The following LRP1B variants were observed in gnomAD, a reference collection of about 807,000 sequenced individuals.
LRP1B encodes the protein low-density lipoprotein receptor-related protein 1B.
In LRP1B, 217 loss-of-function variants were observed where a neutral mutation model predicts 556.6. The ratio of observed to expected loss-of-function variants is 0.39; its 90% CI spans 0.35 to 0.44. The LOEUF (loss-of-function observed/expected upper bound fraction) is 0.44. LRP1B is among the 20% of genes least tolerant of loss of function. The pLI, the probability that LRP1B is intolerant of heterozygous loss-of-function variation, is 1.00. For synonymous variants in LRP1B, 2,047 were observed against 1,865.8 expected, an observed-to-expected ratio of 1.10 and a Z score of -2.50; for missense variants, 5,053 against 5,620.8, an observed-to-expected ratio of 0.90 and a Z score of 3.23.
Position 141,774,598 on chromosome 2 carries a change from G to T in LRP1B, c.205+35681C>A, listed in dbSNP as rs187066666. On this transcript the variant is annotated intron_variant, in intron 2 of 90. Coordinates refer to ENST00000389484, the MANE Select transcript of LRP1B (RefSeq NM_018557.3). ...ATGCAAACAATACATAATAAATATA[G>T]TATAGTCATATATATTAAACCACAC... Among the ~76,000 whole-genome samples the T allele has an allele frequency of 3.1e-4, 47 of 152,240 alleles. 1 individual carries two copies. In the East Asian group the frequency reaches 5.6e-3, roughly 18 times the overall value.
intron 43 of LRP1B, among the ~76,000 whole-genome samples, chr2:140,566,902 G>C (rs539608668): frequency 6.6e-6 from 1 of 152,088 alleles, no homozygotes; most frequent in Non-Finnish European, 1.5e-5. Context: ...TAAGCTGAAG[G>C]GATGCACTAC....
chr2:140,738,359 C>A (rs1044213162), intron 35 of LRP1B, among the ~76,000 whole-genome samples: 1 of 152,066 alleles, frequency 6.6e-6, no homozygotes, highest in Non-Finnish European at 1.5e-5. Context: ...CCTACAGGAA[C>A]TATGGAGGAG....
intron 43 of LRP1B, among the ~76,000 whole-genome samples, chr2:140,557,117 G>A (rs776711002): frequency 9.9e-5 from 15 of 151,930 alleles, no homozygotes; most frequent in Non-Finnish European, 2.1e-4. Context: ...ATTACAGTAC[G>A]ATTTACATAC....
chr2:141,421,618 T>A (rs1680147889), intron 3 of LRP1B, among the ~76,000 whole-genome samples: 1 of 152,172 alleles, frequency 6.6e-6, no homozygotes, highest in Non-Finnish European at 1.5e-5. Flanking sequence ...ACATTTAACC[T>A]ACTCAAAAAG....
chr2:141,766,788 A>G lies in LRP1B; in HGVS notation c.205+43491T>C, dbSNP rs79662075. 5.8e-3 allele frequency among the ~76,000 whole-genome samples: 882 copies of G among 152,232 alleles called. 9 individuals carry two copies. The highest frequency in any genetic ancestry group is 0.021 in the African/African-American group (856 of 41,542). On this transcript the variant is annotated intron_variant, in intron 2 of 90. Coordinates refer to ENST00000389484, the MANE Select transcript of LRP1B (RefSeq NM_018557.3). ...TCTTTTCTCCAATAGTAGGAAAGTC[A>G]TTATCCGTCTCTTCTACAATTTCTT...
At chr2:141,121,478 A>T (rs1238696926) in intron 7 of LRP1B, among the ~76,000 whole-genome samples, 1 of 152,110 alleles carries the variant, frequency 6.6e-6, no homozygotes, top group Non-Finnish European at 1.5e-5. Flanking sequence ...GAGCCAAATC[A>T]TGAGTGAACT....
intron 3 of LRP1B, among the ~76,000 whole-genome samples, chr2:141,274,666 T>C (rs1685217640): frequency 6.6e-6 from 1 of 152,164 alleles, no homozygotes; most frequent in Admixed American, 6.5e-5. Flanking sequence ...TAAAAATCTT[T>C]AGATTTTCAT....
intron 1 of LRP1B, among the ~76,000 whole-genome samples, chr2:141,879,071 A>G (rs149258891): frequency 8.5e-5 from 13 of 152,110 alleles, no homozygotes; most frequent in African/African-American, 3.1e-4. Flanking sequence ...AGACACATTC[A>G]GTTCTTTCAA....
At chr2:141,363,165 TTGTC>T (rs1439809238) in intron 3 of LRP1B, among the ~76,000 whole-genome samples, 2 of 152,198 alleles carry the variant, frequency 1.3e-5, no homozygotes, top group Admixed American at 6.5e-5. Context: ...ACATACTTCT[TTGTC>T]TGTTTTTGTC....
At chr2:141,955,464 G>A (rs1013124811) in intron 1 of LRP1B, among the ~76,000 whole-genome samples, 1 of 152,178 alleles carries the variant, frequency 6.6e-6, no homozygotes, top group East Asian at 1.9e-4. Context: ...TATTAACAGT[G>A]CTAATGTGGA....
At chr2:141,762,844 C>T (rs1694605992) in intron 2 of LRP1B, among the ~76,000 whole-genome samples, 1 of 152,190 alleles carries the variant, frequency 6.6e-6, no homozygotes, top group African/African-American at 2.4e-5. Context: ...TTATTTGTAA[C>T]TGAGATAGGC....
At chr2:140,719,453 A>T (rs748515972) in intron 35 of LRP1B, among the ~76,000 whole-genome samples, 17 of 152,192 alleles carry the variant, frequency 1.1e-4, no homozygotes, top group Admixed American at 2.0e-4. Flanking sequence ...TTACTTTCTA[A>T]TACCTTTGTC....
At chr2:141,380,476 A>G (rs1469862939) in intron 3 of LRP1B, among the ~76,000 whole-genome samples, 1 of 152,104 alleles carries the variant, frequency 6.6e-6, no homozygotes, top group Non-Finnish European at 1.5e-5. Context: ...AACTTCTCCT[A>G]AGATGTTGGA....
intron 7 of LRP1B, among the ~76,000 whole-genome samples, chr2:141,155,452 T>C (rs1702042265): frequency 6.7e-6 from 1 of 148,578 alleles, no homozygotes; most frequent in Admixed American, 6.9e-5. Context: ...ACTTCTAATT[T>C]CCATTTTTAT....
chr2:140,981,767 T>C lies in LRP1B; in HGVS notation c.2887+393A>G, dbSNP rs547839059. On this transcript the variant is annotated intron_variant, in intron 18 of 90. Transcript: ENST00000389484. The stretch of plus-strand genomic sequence containing the variant: ...TTCTTCCCAGAAGATAACATATACA[T>C]GCCAATAAGAAACATGTCCTCCTCC... 2.0e-5 allele frequency among the ~76,000 whole-genome samples: 3 copies of C among 152,254 alleles called. No homozygotes were observed. The South Asian group carries it at 6.2e-4, about 32-fold the overall frequency.
At position 141,923,436 on chromosome 2, in the gene LRP1B, T is replaced by TTATA. The variant is rs758700606; in HGVS notation, c.83-113039_83-113036dup. On this transcript the variant is annotated intron_variant, in intron 1 of 90. Coordinates refer to ENST00000389484, the MANE Select transcript of LRP1B (RefSeq NM_018557.3). ...ATATATATATATAGTGACAAAGAGA[T>TTATA]TATATATATATGTGTGTGTGTGTGT... Among the ~76,000 whole-genome samples the TTATA allele has an allele frequency of 3.8e-3, 290 of 75,400 alleles. 10 individuals are homozygous for TTATA. The highest frequency in any genetic ancestry group is 0.013 in the African/African-American group (271 of 21,064). 49.5% of individuals were successfully genotyped at this position (75,400 alleles called of 152,430 possible).
At chr2:141,676,971 G>A (rs570844200) in intron 2 of LRP1B, among the ~76,000 whole-genome samples, 1 of 151,928 alleles carries the variant, frequency 6.6e-6, no homozygotes, top group Non-Finnish European at 1.5e-5. Context: ...TATAGTCTGT[G>A]GATGATGCAG....
At chr2:140,926,432 C>G (rs996281270) in intron 20 of LRP1B, among the ~76,000 whole-genome samples, 1 of 152,066 alleles carries the variant, frequency 6.6e-6, no homozygotes, top group Non-Finnish European at 1.5e-5. Flanking sequence ...GCCTCAACCT[C>G]CTGGACTCAT....
rs567145454 is a variant in LRP1B, at chr2:141,007,169, C to T, written c.2381-1712G>A. ...ATGATTAAAGTGCAAATACCAGAAA[C>T]GTGATTAAAGTGACAGACTAGGTTA... On this transcript the variant is annotated intron_variant, in intron 14 of 90. Coordinates refer to ENST00000389484, the MANE Select transcript of LRP1B (RefSeq NM_018557.3). Among the ~76,000 whole-genome samples, 71 of 151,724 alleles carry T rather than the reference C, an allele frequency of 4.7e-4. 1 individual carries two copies. Among genetic ancestry groups the T allele is most frequent in the South Asian group, 1.0e-3 (5 of 4,824 alleles).
Sources: gnomAD v4.1 joint callset for allele counts (sites outside exome capture counted in the v4.1 genomes callset) on GRCh38, gnomAD v4.1.1 for gene constraint, MANE v1.5 for transcripts, NCBI Gene and HGNC (gene_info 2026-07-23, HGNC 2026-07-21) for gene names.